EEIG1: variants seen among roughly 807,000 people sequenced by gnomAD.
EEIG1 encodes estrogen-induced osteoclastogenesis regulator 1.
At chr9:127,973,438 T>C in the EEIG1 span, among the ~76,000 whole-genome samples, 1 of 152,142 alleles carries the variant, frequency 6.6e-6, no homozygotes, top group Admixed American at 6.5e-5. This position sits in a 1 kb window ranked among gnomAD's most constrained non-coding sequence, Gnocchi z 4.2. Context: ...AGGACGGAGC[T>C]TGAAGCAAGG....
At chr9:127,971,711 A>G in the EEIG1 span, among the ~76,000 whole-genome samples, 3 of 152,226 alleles carry the variant, frequency 2.0e-5, no homozygotes, top group Non-Finnish European at 4.4e-5. Flanking sequence ...ACTCCTGCCC[A>G]CGAAGGGCCC....
At chr9:127,943,170 C>A in the EEIG1 span, 2 of 1,613,428 alleles carry the variant, frequency 1.2e-6, no homozygotes, top group Non-Finnish European at 1.7e-6. Flanking sequence ...CAGGACTCTT[C>A]TCCAGCCCGG....
At chr9:127,969,963 A>T in the EEIG1 span, among the ~76,000 whole-genome samples, 136,732 of 152,078 alleles carry the variant, frequency 0.9, 62,092 homozygotes, top group Non-Finnish European at 0.97. Flanking sequence ...ACTCACAGAT[A>T]CTCAGAGAGA....
the EEIG1 span, among the ~76,000 whole-genome samples, chr9:127,967,117 A>T: frequency 1.3e-5 from 2 of 152,316 alleles, no homozygotes; most frequent in South Asian, 4.1e-4. Flanking sequence ...ACTGGGTCAA[A>T]GTGTGGGGCC....
At chr9:127,980,377 G>A in the EEIG1 span, 8 of 444,132 alleles carry the variant, frequency 1.8e-5, no homozygotes, top group Non-Finnish European at 2.8e-5. Flanking sequence ...GAGCGGCCGG[G>A]GACCTCACCG....
the EEIG1 span, among the ~76,000 whole-genome samples, chr9:127,959,337 C>T: frequency 1.3e-5 from 2 of 152,330 alleles, no homozygotes; most frequent in Middle Eastern, 3.4e-3. Context: ...TGATACACTT[C>T]TAACTGGGGA....
chr9:127,963,329 C>G, the EEIG1 span, among the ~76,000 whole-genome samples: 1 of 152,254 alleles, frequency 6.6e-6, no homozygotes, highest in African/African-American at 2.4e-5. Flanking sequence ...GACCTGCTGG[C>G]AGGGCTGGCC....
chr9:127,950,516 C>T, the EEIG1 span: 2 of 1,613,996 alleles, frequency 1.2e-6, no homozygotes, highest in Non-Finnish European at 1.7e-6. Context: ...CAAACTCGGC[C>T]AGGTTCAAGT....
At chr9:127,945,664 G>A in the EEIG1 span, 1 of 1,593,842 alleles carries the variant, frequency 6.3e-7, no homozygotes, top group African/African-American at 1.3e-5. This position sits in a 1 kb window ranked among gnomAD's most constrained non-coding sequence, Gnocchi z 6.5. Flanking sequence ...ATCTTGGACT[G>A]CTGGCTGGCA....
At chr9:127,943,428 T>C in the EEIG1 span, 1 of 614,770 alleles carries the variant, frequency 1.6e-6, no homozygotes, top group Non-Finnish European at 2.9e-6. Flanking sequence ...AGCATCAGAG[T>C]CTGTGGGGCC....
At chr9:127,965,031 C>T in the EEIG1 span, among the ~76,000 whole-genome samples, 1 of 141,508 alleles carries the variant, frequency 7.1e-6, no homozygotes, top group Admixed American at 7.7e-5. Context: ...ATCTCTTGAA[C>T]CCGGGAGGCG....
chr9:127,960,384 G>A, the EEIG1 span, among the ~76,000 whole-genome samples: 2 of 152,214 alleles, frequency 1.3e-5, no homozygotes, highest in Non-Finnish European at 2.9e-5. Context: ...CCTCAAGGGT[G>A]TGAGAAGACT....
At chr9:127,949,087 G>A in the EEIG1 span, among the ~76,000 whole-genome samples, 2 of 151,976 alleles carry the variant, frequency 1.3e-5, no homozygotes, top group Non-Finnish European at 2.9e-5. Context: ...AGGCCAAGGC[G>A]GGCAGATCAC....
the EEIG1 span, among the ~76,000 whole-genome samples, chr9:127,965,147 C>CAAAAAA: frequency 7.9e-6 from 1 of 127,212 alleles, no homozygotes; most frequent in African/African-American, 3.1e-5. Context: ...AAAAAAAAAC[C>CAAAAAA]AAAAACCAAA....
the EEIG1 span, among the ~76,000 whole-genome samples, chr9:127,974,285 A>T: frequency 2.0e-5 from 3 of 152,130 alleles, no homozygotes; most frequent in Non-Finnish European, 4.4e-5. Flanking sequence ...CCTGGCAACC[A>T]GGCCACGTGG....
chr9:127,970,441 C>A, the EEIG1 span, among the ~76,000 whole-genome samples: 1 of 152,022 alleles, frequency 6.6e-6, no homozygotes, highest in African/African-American at 2.4e-5. Flanking sequence ...CTTTTGTCTC[C>A]GGCTTTCTTT....
chr9:127,969,273 G>T, the EEIG1 span, among the ~76,000 whole-genome samples: 3 of 152,210 alleles, frequency 2.0e-5, no homozygotes, highest in Admixed American at 2.0e-4. Context: ...GGCCCAGGCA[G>T]GGACGGTTGT....
At chr9:127,947,458 G>C in the EEIG1 span, among the ~76,000 whole-genome samples, 13 of 152,026 alleles carry the variant, frequency 8.6e-5, no homozygotes, top group African/African-American at 3.1e-4. Flanking sequence ...AAAAAACAGA[G>C]TGCCCACTAA....
chr9:127,951,633 G>A, the EEIG1 span, among the ~76,000 whole-genome samples: 1 of 151,886 alleles, frequency 6.6e-6, no homozygotes, highest in Non-Finnish European at 1.5e-5. Context: ...GGCGAACACG[G>A]TGAAACCCCG....
Sources: gnomAD v4.1 joint callset for allele counts (sites outside exome capture counted in the v4.1 genomes callset) on GRCh38, gnomAD v4.1.1 for gene constraint, Gnocchi (gnomAD v3.1) non-coding constraint, MANE v1.5 for transcripts, NCBI Gene and HGNC (gene_info 2026-07-23, HGNC 2026-07-21) for gene names.